The following STRN3 variants were observed in gnomAD, a reference collection of about 807,000 sequenced individuals.
STRN3 encodes striatin-3.
In STRN3, 29 loss-of-function variants were observed where a neutral mutation model predicts 95.6. That is an observed-to-expected ratio of 0.30 (90% CI 0.23 to 0.41). The LOEUF (loss-of-function observed/expected upper bound fraction) is 0.41. Among genes scored for constraint, STRN3 ranks in the 10% least tolerant of loss-of-function variants. STRN3 has a pLI of 1.00. For synonymous variants in STRN3, 331 were observed against 357.6 expected (o/e 0.93, Z 0.84); for missense variants, 890 against 972.1 (o/e 0.92, Z 1.12).
At chr14:30,912,647 C>A (rs1452290714) in intron 10 of STRN3, among the ~76,000 whole-genome samples, 2 of 151,988 alleles carry the variant, frequency 1.3e-5, no homozygotes, top group East Asian at 1.9e-4. Flanking sequence ...AACTAAAGAC[C>A]CTTTAAGAAT....
intron 1 of STRN3, chr14:31,018,902 C>T (rs1451913349): frequency 3.6e-6 from 1 of 275,144 alleles, no homozygotes; most frequent in Non-Finnish European, 7.0e-6. Context: ...GTGGGCAGAT[C>T]ACCTGAGGTC....
intron 16 of STRN3, among the ~76,000 whole-genome samples, chr14:30,901,795 A>G (rs1180508443): frequency 1.3e-5 from 2 of 152,178 alleles, no homozygotes; most frequent in Admixed American, 6.5e-5. Context: ...ATATTTCCCT[A>G]CAACAAGAAA....
At chr14:30,956,360 A>G in intron 1 of STRN3, 118 bp from the exon 2 acceptor site, 1 of 980,594 alleles carries the variant, frequency 1.0e-6, no homozygotes, top group Non-Finnish European at 1.5e-6. Context: ...AAGATTTTAA[A>G]TTCATAAAAA....
intron 1 of STRN3, among the ~76,000 whole-genome samples, chr14:30,960,915 T>C (rs1169637460): frequency 1.5e-5 from 2 of 130,146 alleles, no homozygotes; most frequent in East Asian, 4.5e-4. Flanking sequence ...AAAAAGAAAA[T>C]GAACATCTGC....
rs1566441389 is a variant in STRN3, at chr14:30,929,964, A to AC, written c.989-654_989-653insG. Among the ~76,000 whole-genome samples the AC allele has an allele frequency of 1.9e-4, 28 of 147,318 alleles. 2 individuals carry two copies. The highest frequency in any genetic ancestry group is 2.7e-4 in the Admixed American group (4 of 14,670). On this transcript the variant is annotated intron_variant, in intron 7 of 17. Coordinates refer to ENST00000357479, the MANE Select transcript of STRN3 (RefSeq NM_001083893.2). Reference sequence around the variant, plus strand: ...TACAACTAAGATTAGCAAAAAAAAAAAAAAAAAAAAAAAAACTCAAATTCC... The same window carrying AC: ...TACAACTAAGATTAGCAAAAAAAAAACAAAAAAAAAAAAAAACTCAAATTCC...
At position 30,894,831 on chromosome 14, in the gene STRN3, G is replaced by C; in HGVS notation, c.*580C>G. On this transcript the variant is annotated 3_prime_UTR_variant, in exon 18 of 18. Coordinates refer to ENST00000357479, the MANE Select transcript of STRN3 (RefSeq NM_001083893.2). ...TATATAAAAAGACTTATAAAAACTA[G>C]AATTTTATCCAAACATTTTGTGCAA... 4.4e-6 allele frequency: 2 copies of C among 451,976 alleles called. No individual in the cohort carries two copies. The highest frequency in any genetic ancestry group is 3.3e-6 in the Non-Finnish European group (1 of 299,686). 28.0% of individuals were successfully genotyped at this position (451,976 alleles called of 1,614,324 possible). A position where few individuals can be genotyped will look rare whatever the true frequency, so the allele number is the denominator to read the frequency against.
At chr14:30,971,709 G>A (rs1466414426) in intron 1 of STRN3, among the ~76,000 whole-genome samples, 2 of 152,146 alleles carry the variant, frequency 1.3e-5, no homozygotes, top group South Asian at 2.1e-4. Context: ...AGGTCTCACT[G>A]CTCTATCCAA....
At chr14:30,923,443 T>C (rs1044722955) in intron 8 of STRN3, among the ~76,000 whole-genome samples, 9 of 152,108 alleles carry the variant, frequency 5.9e-5, no homozygotes, top group South Asian at 2.1e-4. Context: ...AGAAGGTGCA[T>C]AGCAATTCTG....
At chr14:30,914,507 C>T (rs753395959) in intron 9 of STRN3, among the ~76,000 whole-genome samples, 5 of 152,132 alleles carry the variant, frequency 3.3e-5, no homozygotes, top group Admixed American at 6.6e-5. Flanking sequence ...CGCCCGCCAC[C>T]ACGCCCGGCT....
chr14:31,021,654 T>C (rs1315417880), intron 1 of STRN3, among the ~76,000 whole-genome samples: 1 of 152,112 alleles, frequency 6.6e-6, no homozygotes, highest in Non-Finnish European at 1.5e-5. Flanking sequence ...AAGTGATAAG[T>C]GGATGACAGG....
At chr14:30,913,451 T>TTTATA in intron 10 of STRN3, 73 bp downstream of exon 10, 2 of 1,430,506 alleles carry the variant, frequency 1.4e-6, no homozygotes, top group Admixed American at 5.1e-5. Flanking sequence ...TTAATTCTGT[T>TTTATA]TTATAAGTGA....
intron 1 of STRN3, among the ~76,000 whole-genome samples, chr14:31,016,401 G>A (rs768949716): frequency 2.6e-5 from 4 of 152,040 alleles, no homozygotes; most frequent in Non-Finnish European, 5.9e-5. Flanking sequence ...AAAAGACAAG[G>A]AGAAGCCTTA....
Position 30,911,807 on chromosome 14 carries a change from A to G in STRN3, c.1568T>C (p.Val523Ala). The change falls in exon 12 of 18, where the codon GTA (valine) becomes GCA (alanine). Residue 523 changes from valine to alanine, a missense_variant. This residue lies in a region of STRN3 where 357 missense variants were observed against 422.8 expected (regional missense o/e 0.84). Coordinates refer to ENST00000357479, the MANE Select transcript of STRN3 (RefSeq NM_001083893.2). Reference sequence around the variant, plus strand: ...GGCCCTAAATGTGTAGATAGGCTCTACATCTAAAGAGGCACTCCTAAAAGA... The same window carrying G: ...GGCCCTAAATGTGTAGATAGGCTCTGCATCTAAAGAGGCACTCCTAAAAGA... Reference protein sequence around the residue: ...VPAKKSASLDVEPIYTFRAHI... With the variant: ...VPAKKSASLDAEPIYTFRAHI... The G allele has an allele frequency of 1.9e-6, 3 of 1,608,172 alleles. No individual in the cohort carries two copies. Among genetic ancestry groups the G allele is most frequent in the East Asian group, 2.2e-5 (1 of 44,786 alleles).
chr14:30,974,762 C>T (rs1218507304), intron 1 of STRN3, among the ~76,000 whole-genome samples: 2 of 152,014 alleles, frequency 1.3e-5, no homozygotes, highest in African/African-American at 4.8e-5. Flanking sequence ...GCTGACATTG[C>T]GCCACTACAC....
At chr14:30,956,949 A>C (rs1019847085) in intron 1 of STRN3, among the ~76,000 whole-genome samples, 7 of 151,692 alleles carry the variant, frequency 4.6e-5, no homozygotes, top group African/African-American at 1.7e-4. Context: ...ACCTGAGGTC[A>C]GGAGTTCAAG....
At chr14:30,922,460 T>C (rs1371514996) in intron 8 of STRN3, among the ~76,000 whole-genome samples, 3 of 152,214 alleles carry the variant, frequency 2.0e-5, no homozygotes, top group South Asian at 2.1e-4. Flanking sequence ...AGCCAAACTA[T>C]AGACTACTGT....
intron 1 of STRN3, among the ~76,000 whole-genome samples, chr14:31,021,407 T>C (rs1291418541): frequency 1.3e-5 from 2 of 152,202 alleles, no homozygotes; most frequent in African/African-American, 2.4e-5. Flanking sequence ...CAATTATACC[T>C]GTATCAACCT....
intron 8 of STRN3, among the ~76,000 whole-genome samples, chr14:30,923,172 T>C (rs1594441710): frequency 1.3e-5 from 2 of 152,348 alleles, no homozygotes; most frequent in East Asian, 1.9e-4. Flanking sequence ...TTTAAAAGCC[T>C]ACTTAAGAGT....
chr14:30,955,685 T>C lies in STRN3; in HGVS notation c.395A>G (p.Tyr132Cys), dbSNP rs767478367. ...EYALKQERAK[Y>C]HKLKYGTELN... ...TTCCGTGCCATATTTTAATTTGTGA[T>C]ATTTTGCCCTGAAAATTTAATCACA... Residue 132 changes from tyrosine (Y) to cysteine (C), a missense_variant, in exon 3 of 18, where the codon TAT (tyrosine) becomes TGT (cysteine). Around this residue, in one of 3 missense-constraint regions of STRN3, gnomAD observed 526 missense variants for 526.3 expected, o/e 1.00. Transcript: ENST00000357479. 1 of 1,584,932 alleles carries C rather than the reference T, an allele frequency of 6.3e-7. No homozygotes were observed. The highest frequency in any genetic ancestry group is 8.5e-7 in the Non-Finnish European group (1 of 1,171,734).
Sources: allele counts gnomAD v4.1 joint callset (sites outside exome capture counted in the v4.1 genomes callset), GRCh38; gene constraint gnomAD v4.1.1; regional missense constraint gnomAD v4.1.1; transcripts MANE v1.5; gene names NCBI Gene and HGNC (gene_info 2026-07-23, HGNC 2026-07-21).